Variants in DMD observed in about 807,000 individuals in gnomAD.
DMD encodes the protein mutant dystrophin.
In DMD, 63 loss-of-function variants were observed where a neutral mutation model predicts 330.1. The ratio of observed to expected loss-of-function variants is 0.19; its 90% CI spans 0.16 to 0.24. The LOEUF is 0.24. DMD is among the 10% of genes least tolerant of loss of function. DMD has a pLI of 1.00. For missense variants in DMD, 3,344 were observed against 2,684.1 expected (o/e 1.25, Z -5.43); for synonymous variants, 1,223 against 959.8 (o/e 1.27, Z -5.07).
intron 28 of DMD, among the ~76,000 whole-genome samples, chrX:32,439,183 A>G (rs1035830968): frequency 1.6e-4 from 18 of 111,723 alleles, no homozygotes; most frequent in African/African-American, 5.2e-4. Context: ...ATATGTTCTC[A>G]CAAATTTATT....
intron 47 of DMD, among the ~76,000 whole-genome samples, chrX:31,888,766 C>A (rs751477111): frequency 1.8e-5 from 2 of 111,896 alleles, no homozygotes; most frequent in African/African-American, 6.5e-5. Flanking sequence ...CTGAAAAATA[C>A]ATTGTGGTTA....
chrX:31,689,225 G>A (rs1236269377), intron 52 of DMD, among the ~76,000 whole-genome samples: 3 of 112,010 alleles, frequency 2.7e-5, no homozygotes, highest in Non-Finnish European at 3.8e-5. Context: ...AAACCCCATC[G>A]TCTCAGCCCA....
chrX:31,508,300 G>C lies in DMD; in HGVS notation c.8218-847C>G, dbSNP rs2071156379. 5 of 1,160,249 alleles carry C rather than the reference G, an allele frequency of 4.3e-6. No individual in the cohort carries two copies. The African/African-American group carries it at 7.2e-5, about 17-fold the overall frequency. On this transcript the variant is annotated intron_variant, in intron 55 of 78. Transcript: ENST00000357033. ...TGCATAGCAATCCTGAGAAAACCCA[G>C]AAACTGAAAGAGCCCTGCTTTAAAA...
chrX:32,853,858 G>T (rs1395052751), intron 2 of DMD, among the ~76,000 whole-genome samples: 1 of 105,327 alleles, frequency 9.5e-6, no homozygotes, highest in South Asian at 4.2e-4. Flanking sequence ...CACCTACAAA[G>T]CCAGACTTAA....
At chrX:31,143,870 A>G (rs912135306) in intron 76 of DMD, among the ~76,000 whole-genome samples, 1 of 112,266 alleles carries the variant, frequency 8.9e-6, no homozygotes, top group Admixed American at 9.4e-5. Context: ...ATCCTGAAGT[A>G]GAAAAAAATA....
intron 63 of DMD, among the ~76,000 whole-genome samples, chrX:31,235,666 T>C (rs1444617749): frequency 8.9e-6 from 1 of 112,356 alleles, no homozygotes; most frequent in African/African-American, 3.2e-5. Context: ...ATTTTACATC[T>C]AATTTTTCTT....
At chrX:32,366,406 G>T (rs1352227200) in intron 34 of DMD, among the ~76,000 whole-genome samples, 1 of 112,036 alleles carries the variant, frequency 8.9e-6, no homozygotes, top group Non-Finnish European at 1.9e-5. Context: ...ATTGGCACTC[G>T]AGTTGAAAAG....
At chrX:31,307,321 T>C (rs2055116664) in intron 62 of DMD, among the ~76,000 whole-genome samples, 1 of 112,110 alleles carries the variant, frequency 8.9e-6, no homozygotes, top group Non-Finnish European at 1.9e-5. Flanking sequence ...CCAGTCAGTA[T>C]GTTTCATCTT....
At chrX:32,367,759 G>C (rs2097859376) in intron 34 of DMD, among the ~76,000 whole-genome samples, 1 of 111,862 alleles carries the variant, frequency 8.9e-6, no homozygotes, top group African/African-American at 3.2e-5. Flanking sequence ...CTAATTTCTA[G>C]TGCCTTCTTA....
intron 61 of DMD, among the ~76,000 whole-genome samples, chrX:31,339,538 C>T (rs988816563): frequency 8.9e-6 from 1 of 111,745 alleles, no homozygotes; most frequent in Non-Finnish European, 1.9e-5. Context: ...ATTGGACCTG[C>T]AAAATTCTTT....
intron 55 of DMD, among the ~76,000 whole-genome samples, chrX:31,612,322 A>C (rs2077969007): frequency 8.9e-6 from 1 of 111,953 alleles, no homozygotes; most frequent in Non-Finnish European, 1.9e-5. Flanking sequence ...AATTCTTTTA[A>C]CTTCTTGTTC....
rs893657493 is a variant in DMD, at chrX:31,198,395, T to C, written c.9807+5566A>G. On this transcript the variant is annotated intron_variant, in intron 67 of 78. Coordinates refer to ENST00000357033, the MANE Select transcript of DMD (RefSeq NM_004006.3). ...TACCATGCATGGCAACAATAATTTA[T>C]TGTATATTTCAAAATAACTAAAAGA... 7.2e-5 allele frequency among the ~76,000 whole-genome samples: 8 copies of C among 111,111 alleles called. No individual in the cohort carries two copies. In the Middle Eastern group the frequency reaches 0.014, roughly 195 times the overall value.
chrX:32,485,200 T>C (rs2148585705), intron 20 of DMD, 101 bp from the exon 21 acceptor site: 1 of 754,027 alleles, frequency 1.3e-6, no homozygotes, highest in Non-Finnish European at 2.0e-6. Flanking sequence ...TTTAGCTTAA[T>C]ACCCTTCACA....
intron 7 of DMD, among the ~76,000 whole-genome samples, chrX:32,802,496 G>T (rs1479636387): frequency 9.0e-6 from 1 of 111,615 alleles, no homozygotes; most frequent in Non-Finnish European, 1.9e-5. Context: ...GTGCTGGCCA[G>T]AACTTCCAAT....
At chrX:32,656,254 G>A (rs947351369) in intron 9 of DMD, among the ~76,000 whole-genome samples, 1 of 111,677 alleles carries the variant, frequency 9.0e-6, no homozygotes, top group African/African-American at 3.3e-5. Context: ...TGAAGGTCGT[G>A]ATACACACAT....
At chrX:32,960,069 T>C (rs1056444065) in intron 2 of DMD, 5 of 111,946 alleles carry the variant, frequency 4.5e-5, no homozygotes, top group African/African-American at 1.6e-4. Context: ...TGTTTTTATG[T>C]TTGTTTCCAT....
chrX:32,439,927 T>C (rs2098275276), intron 28 of DMD, among the ~76,000 whole-genome samples: 2 of 111,034 alleles, frequency 1.8e-5, no homozygotes, highest in Admixed American at 1.9e-4. Context: ...AAATAGTAAA[T>C]AGTAATGGTA....
chrX:32,084,638 T>C (rs2096417439), intron 44 of DMD, among the ~76,000 whole-genome samples: 1 of 111,741 alleles, frequency 8.9e-6, no homozygotes, highest in South Asian at 3.7e-4. Context: ...TGAATATCAG[T>C]TGTTTGCAAT....
At chrX:32,576,485 G>C (rs2053064095) in intron 13 of DMD, among the ~76,000 whole-genome samples, 1 of 110,533 alleles carries the variant, frequency 9.0e-6, no homozygotes, top group Admixed American at 9.8e-5. Context: ...GTGTTTCTAA[G>C]AACCTAGACA....
Sources: gnomAD v4.1 joint callset for allele counts (sites outside exome capture counted in the v4.1 genomes callset) on GRCh38, gnomAD v4.1.1 for gene constraint, MANE v1.5 for transcripts, NCBI Gene and HGNC (gene_info 2026-07-23, HGNC 2026-07-21) for gene names.